The following TMEM45B variants were observed in gnomAD, a reference collection of about 807,000 sequenced individuals.
TMEM45B encodes the protein transmembrane protein 45B.
A neutral mutation model predicts 27.3 loss-of-function variants in TMEM45B; 29 were observed. The observed-to-expected ratio is 1.06, with a 90% CI of 0.79 to 1.45. The LOEUF is 1.45. Ranked by LOEUF, TMEM45B falls within the 40% of genes most tolerant of loss-of-function variation. TMEM45B has a pLI of 0.00. For missense variants in TMEM45B, 348 were observed against 343.9 expected (o/e 1.01, Z -0.09); for synonymous variants, 143 against 134.7 (o/e 1.06, Z -0.43).
At position 129,859,410 on chromosome 11, in the gene TMEM45B, G is replaced by C. The variant is rs896592099; in HGVS notation, c.*725G>C. On this transcript the variant is annotated 3_prime_UTR_variant, in exon 6 of 6. Transcript: ENST00000281441. ...AGATCTGACAGGAAAGCTGTATAAT[G>C]AGATAGAAAAACGTCAGGTATGGAA... is the stretch of plus-strand genomic sequence containing the variant. The C allele has an allele frequency of 6.6e-6, 1 of 152,152 alleles. No homozygotes were observed. The highest frequency in any genetic ancestry group is 2.4e-5 in the African/African-American group (1 of 41,434). 9.4% of individuals were successfully genotyped at this position (152,152 alleles called of 1,614,324 possible).
At chr11:129,841,877 C>T (rs1947700271) in intron 1 of TMEM45B, among the ~76,000 whole-genome samples, 1 of 152,138 alleles carries the variant, frequency 6.6e-6, no homozygotes, top group African/African-American at 2.4e-5. Context: ...GGATTACAGG[C>T]ATGAGCCACT....
At chr11:129,836,568 C>A (rs1196963486) in intron 1 of TMEM45B, among the ~76,000 whole-genome samples, 1 of 152,058 alleles carries the variant, frequency 6.6e-6, no homozygotes, top group East Asian at 1.9e-4. Flanking sequence ...GAGATAAGAT[C>A]TTTAAAGAAG....
At chr11:129,844,285 G>T (rs1591445289) in intron 1 of TMEM45B, among the ~76,000 whole-genome samples, 2 of 152,138 alleles carry the variant, frequency 1.3e-5, no homozygotes, top group Non-Finnish European at 2.9e-5. Flanking sequence ...CTGTTACCAG[G>T]GTTCTGGAGC....
At chr11:129,837,777 C>CTTTTTTTTTTTTTTTT (rs1159669879) in intron 1 of TMEM45B, among the ~76,000 whole-genome samples, 3 of 69,026 alleles carry the variant, frequency 4.3e-5, no homozygotes, top group Non-Finnish European at 7.6e-5. Context: ...AGGCTAGTTT[C>CTTTTTTTTTTTTTTTT]TTTTTTTTTT....
intron 1 of TMEM45B, among the ~76,000 whole-genome samples, chr11:129,835,118 T>C (rs1358561411): frequency 6.6e-6 from 1 of 152,194 alleles, no homozygotes; most frequent in Non-Finnish European, 1.5e-5. Flanking sequence ...TTCTTGCTGC[T>C]CATAGTAAAA....
rs376928894 is a variant in TMEM45B, at chr11:129,835,432, AT to A, written c.-8-17040del. On this transcript the variant is annotated intron_variant, in intron 1 of 5. Transcript: ENST00000281441. ...GCATAGGAGGCCAAGGTTTTTGAGA[AT>A]TTATACCAGCAGACATTGCCAGTTT... Among the ~76,000 whole-genome samples the A allele has an allele frequency of 5.6e-3, 846 of 152,336 alleles. 12 individuals are homozygous for A. The highest frequency in any genetic ancestry group is 0.019 in the African/African-American group (792 of 41,584).
intron 1 of TMEM45B, among the ~76,000 whole-genome samples, chr11:129,826,567 A>AAAAAAAGAAAAAT (rs1199881268): frequency 0.18 from 16,333 of 93,250 alleles, 2,511 homozygotes; most frequent in East Asian, 0.29. Context: ...AAAAAAAAAA[A>AAAAAAAGAAAAAT]AGGACCCTGA....
At chr11:129,850,463 C>T (rs535215840) in intron 1 of TMEM45B, 12 of 152,368 alleles carry the variant, frequency 7.9e-5, no homozygotes, top group African/African-American at 2.6e-4. Flanking sequence ...CCGCACCTGG[C>T]CTCTCATGTT....
At chr11:129,842,295 A>AT (rs1222981748) in intron 1 of TMEM45B, among the ~76,000 whole-genome samples, 4 of 152,266 alleles carry the variant, frequency 2.6e-5, no homozygotes, top group East Asian at 3.9e-4. Context: ...TGAATTGCAG[A>AT]TTTTTTTTAA....
intron 1 of TMEM45B, among the ~76,000 whole-genome samples, chr11:129,849,243 A>C (rs1040476032): frequency 1.3e-5 from 2 of 152,214 alleles, no homozygotes; most frequent in African/African-American, 4.8e-5. Context: ...AATTCAAATG[A>C]GTTGCGTACT....
chr11:129,822,490 T>G (rs1947430994), intron 1 of TMEM45B, among the ~76,000 whole-genome samples: 1 of 152,218 alleles, frequency 6.6e-6, no homozygotes, highest in African/African-American at 2.4e-5. Context: ...ATCATCTGTC[T>G]CTAGTGCTTT....
At chr11:129,855,625 T>C (rs1016168280) in intron 3 of TMEM45B, 83 bp from the exon 4 acceptor site, 1 of 1,437,470 alleles carries the variant, frequency 7.0e-7, no homozygotes. Flanking sequence ...CTGAAGAACC[T>C]AGCTGAGACA....
chr11:129,856,590 C>T (rs548496778), intron 4 of TMEM45B, among the ~76,000 whole-genome samples: 3 of 132,920 alleles, frequency 2.3e-5, no homozygotes, highest in East Asian at 4.5e-4. Flanking sequence ...GACAGAGTCT[C>T]GCTTTGTCGC....
At chr11:129,835,671 T>C (rs1337931578) in intron 1 of TMEM45B, among the ~76,000 whole-genome samples, 2 of 152,168 alleles carry the variant, frequency 1.3e-5, no homozygotes, top group African/African-American at 4.8e-5. Flanking sequence ...CTGGTGCCAC[T>C]TCCTTGGTTT....
chr11:129,857,681 G>A (rs1947950485), intron 5 of TMEM45B, among the ~76,000 whole-genome samples: 1 of 152,206 alleles, frequency 6.6e-6, no homozygotes, highest in African/African-American at 2.4e-5. Flanking sequence ...GAGGGACCCA[G>A]GTTTCAAATG....
chr11:129,836,667 G>A (rs1174516207), intron 1 of TMEM45B, among the ~76,000 whole-genome samples: 2 of 152,206 alleles, frequency 1.3e-5, no homozygotes, highest in Non-Finnish European at 2.9e-5. Flanking sequence ...ACAAGAGGAC[G>A]ACCATGTGAG....
intron 1 of TMEM45B, among the ~76,000 whole-genome samples, chr11:129,849,697 G>A (rs1248570206): frequency 6.6e-6 from 1 of 152,182 alleles, no homozygotes; most frequent in Non-Finnish European, 1.5e-5. Context: ...ACCTGCACCT[G>A]GTCCTGCTTG....
chr11:129,830,090 G>A lies in TMEM45B; in HGVS notation c.-9+14192G>A, dbSNP rs147750080. On this transcript the variant is annotated intron_variant, in intron 1 of 5. Coordinates refer to ENST00000281441, the MANE Select transcript of TMEM45B (RefSeq NM_138788.5). Reference sequence around the variant, plus strand: ...TCACACCTGTAATCCCAGCACTTTGGGAAGCCAAGGCTGAATCACCTGAAG... The same window carrying A: ...TCACACCTGTAATCCCAGCACTTTGAGAAGCCAAGGCTGAATCACCTGAAG... Among the ~76,000 whole-genome samples, 508 of 152,334 alleles carry A rather than the reference G, an allele frequency of 3.3e-3. 5 individuals are homozygous for A. Among genetic ancestry groups the A allele is most frequent in the African/African-American group, 0.012 (480 of 41,570 alleles).
chr11:129,844,662 C>T (rs1477151724), intron 1 of TMEM45B, among the ~76,000 whole-genome samples: 1 of 152,082 alleles, frequency 6.6e-6, no homozygotes, highest in African/African-American at 2.4e-5. Context: ...ACTCCACCCT[C>T]GGTGATAGGG....
Sources: allele counts gnomAD v4.1 joint callset (sites outside exome capture counted in the v4.1 genomes callset), GRCh38; gene constraint gnomAD v4.1.1; transcripts MANE v1.5; gene names NCBI Gene and HGNC (gene_info 2026-07-23, HGNC 2026-07-21).